Variants in ROBO2 observed in about 807,000 individuals in gnomAD.
ROBO2 encodes roundabout guidance receptor 2, also known as roundabout homolog 2.
A neutral mutation model predicts 160.8 loss-of-function variants in ROBO2; 53 were observed. The observed-to-expected ratio is 0.33, with a 90% CI of 0.26 to 0.41. ROBO2 has a LOEUF of 0.41. Among genes scored for constraint, ROBO2 ranks in the 10% least tolerant of loss-of-function variants. The pLI is 1.00. For synonymous variants in ROBO2, 664 were observed against 611.7 expected, an observed-to-expected ratio of 1.09 and a Z score of -1.26; for missense variants, 1,577 against 1,722.4, an observed-to-expected ratio of 0.92 and a Z score of 1.49.
intron 2 of ROBO2, among the ~76,000 whole-genome samples, chr3:76,999,583 T>TA (rs1240165673): frequency 1.3e-5 from 2 of 152,158 alleles, no homozygotes; most frequent in African/African-American, 2.4e-5. Flanking sequence ...GTATTCCAGC[T>TA]AATGGTATTC....
intron 2 of ROBO2, among the ~76,000 whole-genome samples, chr3:77,246,316 A>AGTCTAT (rs201224255): frequency 0.25 from 28,405 of 115,640 alleles, 2,735 homozygotes; most frequent in Middle Eastern, 0.35. Flanking sequence ...AACTACTGAG[A>AGTCTAT]GTGTATGTGT....
intron 2 of ROBO2, among the ~76,000 whole-genome samples, chr3:76,066,026 C>T (rs1394355354): frequency 1.3e-5 from 2 of 151,612 alleles, no homozygotes; most frequent in African/African-American, 4.8e-5. Flanking sequence ...AGAATTCTCA[C>T]TTTAAATCCA....
At position 76,079,637 on chromosome 3, in the gene ROBO2, C is replaced by A. The variant is rs559764140; in HGVS notation, c.109+142035C>A. Among the ~76,000 whole-genome samples, 269 of 152,008 alleles carry A rather than the reference C, an allele frequency of 1.8e-3. 1 individual carries two copies. Among genetic ancestry groups the A allele is most frequent in the African/African-American group, 6.1e-3 (255 of 41,484 alleles). On this transcript the variant is annotated intron_variant, in intron 2 of 26. Transcript: ENST00000487694. The stretch of plus-strand genomic sequence containing the variant: ...TAGCTGGGATTAGAGGCGCATGCCG[C>A]CACACCCGGCTAATTTCTTTTGTAT...
intron 2 of ROBO2, among the ~76,000 whole-genome samples, chr3:76,192,504 A>C (rs1036867432): frequency 2.7e-5 from 4 of 149,236 alleles, no homozygotes; most frequent in African/African-American, 9.9e-5. Flanking sequence ...AATTCTCTAA[A>C]CTTTGCGTCC....
chr3:77,273,534 A>T (rs918513367), intron 2 of ROBO2, among the ~76,000 whole-genome samples: 5 of 152,070 alleles, frequency 3.3e-5, no homozygotes, highest in African/African-American at 1.2e-4. Context: ...TGTATTGCAT[A>T]AAATTATAGC....
chr3:76,209,974 A>G (rs1703041218), intron 2 of ROBO2, among the ~76,000 whole-genome samples: 1 of 152,104 alleles, frequency 6.6e-6, no homozygotes, highest in African/African-American at 2.4e-5. Flanking sequence ...GTAAAAGAAA[A>G]AAACATTCAG....
At chr3:76,252,624 A>G (rs1159841735) in intron 2 of ROBO2, among the ~76,000 whole-genome samples, 1 of 151,962 alleles carries the variant, frequency 6.6e-6, no homozygotes. Flanking sequence ...AAAGACAGAA[A>G]AATATCAAAT....
At chr3:76,434,895 C>T in intron 2 of ROBO2, 1 of 1,595,094 alleles carries the variant, frequency 6.3e-7, no homozygotes, top group Non-Finnish European at 8.6e-7. Flanking sequence ...TGGCCCCAAG[C>T]CATTCTCTGC....
intron 2 of ROBO2, among the ~76,000 whole-genome samples, chr3:76,697,614 C>T (rs2092954764): frequency 1.3e-5 from 2 of 152,020 alleles, no homozygotes; most frequent in South Asian, 2.1e-4. Context: ...ACACTGCACT[C>T]CAGCCTGGGC....
At chr3:76,087,163 G>T (rs1304662856) in intron 2 of ROBO2, among the ~76,000 whole-genome samples, 5 of 151,720 alleles carry the variant, frequency 3.3e-5, no homozygotes, top group Admixed American at 3.3e-4. Flanking sequence ...GATCCAGAAA[G>T]CTCAGAGAAC....
At chr3:76,622,258 G>C (rs1030193853) in intron 2 of ROBO2, among the ~76,000 whole-genome samples, 5 of 64,440 alleles carry the variant, frequency 7.8e-5, no homozygotes, top group Non-Finnish European at 1.3e-4. Flanking sequence ...AAGAAAGAAA[G>C]AAAGAAAGAA....
intron 2 of ROBO2, among the ~76,000 whole-genome samples, chr3:76,693,657 G>T (rs961547572): frequency 2.0e-4 from 31 of 152,192 alleles, no homozygotes; most frequent in South Asian, 6.2e-4. Context: ...AAGAGGAGTT[G>T]ATCGTGTATC....
At chr3:77,479,205 C>G (rs1258725213) in intron 3 of ROBO2, among the ~76,000 whole-genome samples, 1 of 152,128 alleles carries the variant, frequency 6.6e-6, no homozygotes, top group South Asian at 2.1e-4. Context: ...AACTGCACTG[C>G]AAGCAAAGGT....
chr3:76,776,413 CAT>C (rs1450063741), intron 2 of ROBO2, among the ~76,000 whole-genome samples: 1 of 150,838 alleles, frequency 6.6e-6, no homozygotes, highest in African/African-American at 2.4e-5. Flanking sequence ...GTGTTTAGCT[CAT>C]ATAAATAAGT....
chr3:76,647,705 G>C (rs1051361264), intron 2 of ROBO2, among the ~76,000 whole-genome samples: 1 of 152,026 alleles, frequency 6.6e-6, no homozygotes, highest in African/African-American at 2.4e-5. Flanking sequence ...AATCAAGGTT[G>C]TGGGAGGTGA....
chr3:77,459,206 A>T (rs1462722357), intron 2 of ROBO2, among the ~76,000 whole-genome samples: 1 of 152,214 alleles, frequency 6.6e-6, no homozygotes, highest in Admixed American at 6.5e-5. Flanking sequence ...AAAATAAGAA[A>T]CTACTAGCAT....
At chr3:77,385,141 T>C (rs2073967400) in intron 2 of ROBO2, among the ~76,000 whole-genome samples, 1 of 152,208 alleles carries the variant, frequency 6.6e-6, no homozygotes, top group South Asian at 2.1e-4. Context: ...ATAATTGTCC[T>C]GCCTCAGCCT....
At chr3:75,933,390 A>G (rs1947628335) in intron 1 of ROBO2, among the ~76,000 whole-genome samples, 1 of 152,162 alleles carries the variant, frequency 6.6e-6, no homozygotes, top group African/African-American at 2.4e-5. Flanking sequence ...ATAATGGAGA[A>G]GTTGAACAAA....
At chr3:77,420,446 G>C (rs988127154) in intron 2 of ROBO2, among the ~76,000 whole-genome samples, 1 of 152,020 alleles carries the variant, frequency 6.6e-6, no homozygotes, top group Admixed American at 6.6e-5. Flanking sequence ...CCATTTCAAG[G>C]GACTGGCTCT....
Sources: gnomAD v4.1 joint callset for allele counts (sites outside exome capture counted in the v4.1 genomes callset) on GRCh38, gnomAD v4.1.1 for gene constraint, MANE v1.5 for transcripts, NCBI Gene and HGNC (gene_info 2026-07-23, HGNC 2026-07-21) for gene names.